Variants in SYTL2 observed in about 807,000 individuals in gnomAD.
SYTL2 encodes the protein synaptotagmin like 2, also known as synaptotagmin-like protein 2.
A neutral mutation model predicts 198.7 loss-of-function variants in SYTL2; 165 were observed. That is an observed-to-expected ratio of 0.83 (90% CI 0.73 to 0.94). SYTL2 has a LOEUF of 0.94. Ranked by LOEUF, SYTL2 falls within the 40% of genes least tolerant of loss-of-function variation. The pLI, the probability that SYTL2 is intolerant of heterozygous loss-of-function variation, is 0.00. For synonymous variants in SYTL2, 966 were observed against 917.7 expected (o/e 1.05, Z -0.95); for missense variants, 2,835 against 2,582.8 (o/e 1.10, Z -2.12).
rs577494129 is a variant in SYTL2 at position 85,725,280 on chromosome 11, T to G, written c.4078A>C (p.Ile1360Leu). ...TEISETVEKVILPPRPVLNDV... is the reference protein window; with the variant it reads ...TEISETVEKVLLPPRPVLNDV... The stretch of plus-strand genomic sequence containing the variant: ...TTCAATACAGGTCTGGGTGGAAGAA[T>G]GACTTTCTCTACAGTCTCCGAAATT... Residue 1360 changes from isoleucine (I) to leucine (L), a missense_variant, in exon 8 of 20, where the codon ATT becomes CTT. By Grantham distance (5) the Ile-to-Leu change is conservative. Coordinates refer to ENST00000359152, the MANE Select transcript of SYTL2 (RefSeq NM_206927.4). The G allele has an allele frequency of 1.9e-6, 3 of 1,614,184 alleles. No homozygotes were observed. Among genetic ancestry groups the G allele is most frequent in the Non-Finnish European group, 2.5e-6 (3 of 1,180,024 alleles).
At position 85,727,580 on chromosome 11, in the gene SYTL2, T is replaced by A; in HGVS notation, c.1778A>T (p.Gln593Leu). The change falls in exon 8 of 20, where the codon CAA (glutamine) becomes CTA (leucine). Residue 593 changes from glutamine to leucine, a missense_variant. Physicochemically the swap from Gln to Leu is moderately radical, Grantham distance 113. Coordinates refer to ENST00000359152, the MANE Select transcript of SYTL2 (RefSeq NM_206927.4). ...LKPVRSDSPF[Q>L]AEGDMLVSES... ...AGAAACCAGCATATCTCCCTCTGCT[T>A]GGAATGGTGAGTCAGATCTCACAGG... The A allele has an allele frequency of 6.5e-7, 1 of 1,536,128 alleles. No homozygotes were observed. Among genetic ancestry groups the A allele is most frequent in the Admixed American group, 2.0e-5 (1 of 50,996 alleles).
chr11:85,818,234 G>A, the SYTL2 span, among the ~76,000 whole-genome samples: 1 of 152,060 alleles, frequency 6.6e-6, no homozygotes, highest in East Asian at 1.9e-4. Flanking sequence ...ACACTTCAAG[G>A]ATGAAGTGCG....
chr11:85,849,538 T>C, the SYTL2 span, among the ~76,000 whole-genome samples: 5 of 152,322 alleles, frequency 3.3e-5, no homozygotes, highest in Admixed American at 3.3e-4. Flanking sequence ...CACCATTAAA[T>C]AGGGAATCCT....
At chr11:85,830,238 A>G in the SYTL2 span, among the ~76,000 whole-genome samples, 1 of 152,122 alleles carries the variant, frequency 6.6e-6, no homozygotes, top group Non-Finnish European at 1.5e-5. Context: ...ATTTTAAGTG[A>G]TGTTGATGTT....
intron 15 of SYTL2, 134 bp from the exon 16 acceptor site, chr11:85,705,162 G>A (rs1481052895): frequency 1.7e-6 from 1 of 581,338 alleles, no homozygotes; most frequent in Non-Finnish European, 2.9e-6. Context: ...CAAAAATATT[G>A]CAAAGTCATC....
Position 85,789,352 on chromosome 11 carries a change from ATATATATATATATATATATATATATG to A in SYTL2, c.-390+21576_-390+21601del, listed in dbSNP as rs1235931809. Among the ~76,000 whole-genome samples the A allele has an allele frequency of 9.2e-3, 340 of 36,970 alleles. 1 individual carries two copies. Among genetic ancestry groups the A allele is most frequent in the South Asian group, 0.022 (20 of 896 alleles). The allele number at this position is 36,970 out of a possible 152,430, so 24.3% of individuals were successfully genotyped here. A position where few individuals can be genotyped will look rare whatever the true frequency, so the allele number is the denominator to read the frequency against. On this transcript the variant is annotated intron_variant, in intron 1 of 19. Coordinates refer to ENST00000359152, the MANE Select transcript of SYTL2 (RefSeq NM_206927.4). Reference sequence around the variant, plus strand: ...TGTGTGTGTGTGTGTATATATATATATATATATATATATATATATATATATGTATATATATATATATATATATAATT... The same window carrying A: ...TGTGTGTGTGTGTGTATATATATATATATATATATATATATATATATAATT...
chr11:85,755,675 C>A (rs958956490), intron 2 of SYTL2, among the ~76,000 whole-genome samples: 1 of 152,158 alleles, frequency 6.6e-6, no homozygotes, highest in Admixed American at 6.6e-5. Context: ...TCAACCAATG[C>A]AAGTGCCCAA....
At chr11:85,828,821 A>G in the SYTL2 span, among the ~76,000 whole-genome samples, 1 of 152,208 alleles carries the variant, frequency 6.6e-6, no homozygotes, top group Non-Finnish European at 1.5e-5. Context: ...CAAGGCCTTG[A>G]ACCCAAGGTT....
the SYTL2 span, chr11:85,853,370 G>T: frequency 2.3e-6 from 1 of 441,330 alleles, no homozygotes; most frequent in African/African-American, 2.1e-5. Context: ...CCCCCAACCC[G>T]GTGCTCTCTG....
chr11:85,832,997 AAAAAAAAAGAAAG>A, the SYTL2 span, among the ~76,000 whole-genome samples: 2,361 of 108,954 alleles, frequency 0.022, 112 homozygotes, highest in Middle Eastern at 0.033. Flanking sequence ...CCCTGTCTCA[AAAAAAAAAGAAAG>A]AAAAGAAAGA....
the SYTL2 span, among the ~76,000 whole-genome samples, chr11:85,819,464 G>A: frequency 2.0e-5 from 3 of 152,192 alleles, no homozygotes; most frequent in Non-Finnish European, 4.4e-5. Flanking sequence ...GAGGGTGGAA[G>A]CCCCAAGATG....
chr11:85,835,547 T>C, the SYTL2 span, among the ~76,000 whole-genome samples: 1 of 152,240 alleles, frequency 6.6e-6, no homozygotes, highest in African/African-American at 2.4e-5. Context: ...TGTGAATCTA[T>C]ACAAATGCTT....
At chr11:85,775,390 G>A (rs996857784) in intron 1 of SYTL2, among the ~76,000 whole-genome samples, 2 of 152,122 alleles carry the variant, frequency 1.3e-5, no homozygotes, top group African/African-American at 4.8e-5. Context: ...AATGTTGGGG[G>A]TTTACACTGT....
chr11:85,804,612 C>T (rs902952950), intron 1 of SYTL2, among the ~76,000 whole-genome samples: 5 of 152,132 alleles, frequency 3.3e-5, no homozygotes, highest in Admixed American at 3.3e-4. Flanking sequence ...GGAATACTGC[C>T]TGGTACATAG....
intron 16 of SYTL2, among the ~76,000 whole-genome samples, chr11:85,702,114 T>C (rs539909208): frequency 2.2e-4 from 34 of 152,186 alleles, no homozygotes; most frequent in African/African-American, 7.5e-4. Context: ...GTCAGCTGCA[T>C]TGACAGGGAA....
At chr11:85,711,072 A>G (rs761716691) in intron 13 of SYTL2, 41 bp downstream of exon 13, 1 of 1,604,546 alleles carries the variant, frequency 6.2e-7, no homozygotes, top group South Asian at 1.1e-5. Context: ...CAAGGTTCAG[A>G]GACGCGGAGA....
At chr11:85,797,365 C>G (rs1463755327) in intron 1 of SYTL2, among the ~76,000 whole-genome samples, 1 of 152,124 alleles carries the variant, frequency 6.6e-6, no homozygotes, top group Admixed American at 6.5e-5. Flanking sequence ...CAGTGGCTCA[C>G]ACCTGTAATC....
At chr11:85,805,576 T>C (rs2153657726) in intron 1 of SYTL2, among the ~76,000 whole-genome samples, 1 of 152,304 alleles carries the variant, frequency 6.6e-6, no homozygotes, top group East Asian at 1.9e-4. Context: ...TTTAATCAAG[T>C]GACTCAGCCA....
chr11:85,766,350 C>T (rs2092237922), intron 1 of SYTL2, among the ~76,000 whole-genome samples: 1 of 152,204 alleles, frequency 6.6e-6, no homozygotes, highest in Non-Finnish European at 1.5e-5. Context: ...AGGAAATGGG[C>T]AGCTGAAAGT....
Sources: allele counts gnomAD v4.1 joint callset (sites outside exome capture counted in the v4.1 genomes callset), GRCh38; gene constraint gnomAD v4.1.1; transcripts MANE v1.5; gene names NCBI Gene and HGNC (gene_info 2026-07-23, HGNC 2026-07-21).